Variants in PDZRN3 observed in about 807,000 individuals in gnomAD.
PDZRN3 encodes the protein PDZ domain containing ring finger 3.
In PDZRN3, 38 loss-of-function variants were observed where a neutral mutation model predicts 85.7. That is an observed-to-expected ratio of 0.44 (90% confidence interval 0.34 to 0.58). PDZRN3 has a LOEUF of 0.58. Among genes scored for constraint, PDZRN3 ranks in the 20% least tolerant of loss-of-function variants. PDZRN3 has a pLI of 0.01. For synonymous variants in PDZRN3, 759 were observed against 638.0 expected (o/e 1.19, Z -2.86); for missense variants, 1,629 against 1,506.4 (o/e 1.08, Z -1.35).
At chr3:73,410,988 A>C (rs192108344) in intron 3 of PDZRN3, among the ~76,000 whole-genome samples, 4 of 152,376 alleles carry the variant, frequency 2.6e-5, no homozygotes, top group Non-Finnish European at 5.9e-5. Context: ...ACTTGGCAAC[A>C]AGCTGTTTCT....
intron 3 of PDZRN3, among the ~76,000 whole-genome samples, chr3:73,490,911 A>G (rs77273439): frequency 0.015 from 2,268 of 152,322 alleles, 38 homozygotes; most frequent in Middle Eastern, 0.058. Context: ...AAGTGCAGGC[A>G]CAGCAGTCCT....
intron 3 of PDZRN3, among the ~76,000 whole-genome samples, chr3:73,512,524 G>GT (rs534292184): frequency 4.6e-5 from 7 of 150,916 alleles, no homozygotes; most frequent in African/African-American, 7.3e-5. Context: ...AATTTTAGTT[G>GT]TTTTTTTTCT....
chr3:73,515,059 C>T (rs1223385901), intron 3 of PDZRN3, among the ~76,000 whole-genome samples: 1 of 152,070 alleles, frequency 6.6e-6, no homozygotes, highest in Non-Finnish European at 1.5e-5. Context: ...GTACTTTACC[C>T]CTACAGATTC....
At chr3:73,460,787 GTTTTTTA>G (rs1703087903) in intron 3 of PDZRN3, among the ~76,000 whole-genome samples, 1 of 151,904 alleles carries the variant, frequency 6.6e-6, no homozygotes. Context: ...ACAGAGATTT[GTTTTTTA>G]TTTTTTATTT....
At chr3:73,441,592 A>G (rs1164457023) in intron 3 of PDZRN3, among the ~76,000 whole-genome samples, 1 of 152,032 alleles carries the variant, frequency 6.6e-6, no homozygotes, top group Non-Finnish European at 1.5e-5. Context: ...TCTTACCCCT[A>G]TTTTACCCAG....
intron 3 of PDZRN3, among the ~76,000 whole-genome samples, chr3:73,587,428 T>C (rs1702293825): frequency 6.6e-6 from 1 of 152,188 alleles, no homozygotes; most frequent in Non-Finnish European, 1.5e-5. Flanking sequence ...GCTGTTTGAG[T>C]CATACTTACA....
chr3:73,496,538 T>A (rs1379787880), intron 3 of PDZRN3, among the ~76,000 whole-genome samples: 1 of 148,116 alleles, frequency 6.8e-6, no homozygotes, highest in Non-Finnish European at 1.5e-5. Flanking sequence ...CACACAGAAA[T>A]AATTTATAAC....
At chr3:73,426,322 T>C (rs1417599815) in intron 3 of PDZRN3, among the ~76,000 whole-genome samples, 1 of 152,066 alleles carries the variant, frequency 6.6e-6, no homozygotes, top group Non-Finnish European at 1.5e-5. Flanking sequence ...ACAAACTGAA[T>C]ACTGGTGCCA....
chr3:73,496,548 C>T lies in PDZRN3; in HGVS notation c.919-92153G>A, dbSNP rs192386429. Among the ~76,000 whole-genome samples the T allele has an allele frequency of 8.7e-5, 12 of 137,916 alleles. No homozygotes were observed. The South Asian group carries it at 1.3e-3, about 15-fold the overall frequency. The allele number at this position is 137,916 out of a possible 152,430, so 90.5% of individuals were successfully genotyped here. A position where few individuals can be genotyped will look rare whatever the true frequency, so the allele number is the denominator to read the frequency against. On this transcript the variant is annotated intron_variant, in intron 3 of 9. Coordinates refer to ENST00000263666, the MANE Select transcript of PDZRN3 (RefSeq NM_015009.3). ...CATTTCACACAGAAATAATTTATAA[C>T]GTATTTCTAAGTAAAGAGGACTTAA...
chr3:73,401,398 C>T (rs768554916), intron 4 of PDZRN3, among the ~76,000 whole-genome samples: 6 of 152,138 alleles, frequency 3.9e-5, no homozygotes, highest in African/African-American at 7.2e-5. Flanking sequence ...GAACTAGGCT[C>T]GAGCCCAGGC....
intron 1 of PDZRN3, among the ~76,000 whole-genome samples, chr3:73,618,890 G>A (rs1702808889): frequency 6.6e-6 from 1 of 152,200 alleles, no homozygotes; most frequent in Non-Finnish European, 1.5e-5. Flanking sequence ...TGTTTTGTTA[G>A]ATATACTATG....
intron 3 of PDZRN3, among the ~76,000 whole-genome samples, chr3:73,566,083 T>C (rs1701944967): frequency 6.6e-6 from 1 of 152,204 alleles, no homozygotes; most frequent in Non-Finnish European, 1.5e-5. Context: ...AGTAAAAACC[T>C]GAAATTTCCA....
rs370438750 is a variant in PDZRN3 at position 73,420,780 on chromosome 3, T to C, written c.919-16385A>G. On this transcript the variant is annotated intron_variant, in intron 3 of 9. Coordinates refer to ENST00000263666, the MANE Select transcript of PDZRN3 (RefSeq NM_015009.3). ...ACCCCTAGATTGGCCTATTAGACAA[T>C]AGAGTCATCTCCCCATATCCATGAG... Among the ~76,000 whole-genome samples, 49 of 152,290 alleles carry C rather than the reference T, an allele frequency of 3.2e-4. No homozygotes were observed. In the South Asian group the frequency reaches 8.1e-3, roughly 25 times the overall value.
chr3:73,402,663 A>C (rs1701772429), intron 4 of PDZRN3, among the ~76,000 whole-genome samples: 1 of 152,210 alleles, frequency 6.6e-6, no homozygotes, highest in Non-Finnish European at 1.5e-5. Flanking sequence ...TTCCAATGAC[A>C]GCTAGCCACT....
At chr3:73,515,657 A>C (rs1443031974) in intron 3 of PDZRN3, among the ~76,000 whole-genome samples, 1 of 152,188 alleles carries the variant, frequency 6.6e-6, no homozygotes, top group Non-Finnish European at 1.5e-5. Flanking sequence ...TCTAGATCAT[A>C]CTCTGGAAAT....
chr3:73,453,409 A>AC (rs1205528165), intron 3 of PDZRN3, among the ~76,000 whole-genome samples: 4 of 108,092 alleles, frequency 3.7e-5, no homozygotes, highest in Non-Finnish European at 7.4e-5. Context: ...CGTCTCAAAA[A>AC]AAAAAAAAAA....
Position 73,384,400 on chromosome 3 carries a change from G to C in PDZRN3, c.2166C>G (p.His722Gln), listed in dbSNP as rs60164307. Residue 722 changes from histidine to glutamine, a missense_variant, in exon 10 of 10, where the codon CAC (histidine) becomes CAG (glutamine). Transcript: ENST00000263666. ...TGTTGTAGTTGCGGAAGCCGCTGTTGTGCAGCATCCAGGACTCGCGGTACT... is the reference window on the plus strand; with the variant it reads ...TGTTGTAGTTGCGGAAGCCGCTGTTCTGCAGCATCCAGGACTCGCGGTACT... Reference protein sequence around the residue: ...KEQYRESWMLHNSGFRNYNTS... With the variant: ...KEQYRESWMLQNSGFRNYNTS... The C allele has an allele frequency of 2.6e-4, 416 of 1,609,752 alleles. No individual in the cohort carries two copies. In the African/African-American group the frequency reaches 5.0e-3, roughly 19 times the overall value.
intron 3 of PDZRN3, among the ~76,000 whole-genome samples, chr3:73,492,468 TAAC>T (rs1703789773): frequency 1.3e-5 from 2 of 152,202 alleles, no homozygotes; most frequent in African/African-American, 4.8e-5. Flanking sequence ...ATATGGGACT[TAAC>T]AATTATCCAA....
intron 9 of PDZRN3, among the ~76,000 whole-genome samples, 160 bp from the exon 10 acceptor site, chr3:73,385,090 A>G (rs553690720): frequency 2.6e-5 from 4 of 152,228 alleles, no homozygotes; most frequent in African/African-American, 9.6e-5. Flanking sequence ...CGTGGGCCTT[A>G]GCTACACCTA....
Sources: gnomAD v4.1 joint callset for allele counts (sites outside exome capture counted in the v4.1 genomes callset) on GRCh38, gnomAD v4.1.1 for gene constraint, MANE v1.5 for transcripts, NCBI Gene and HGNC (gene_info 2026-07-23, HGNC 2026-07-21) for gene names.